CELF2: variants seen among roughly 807,000 people sequenced by gnomAD.
CELF2 encodes CUG triplet repeat RNA-binding protein 2.
Under a neutral mutation model 62.6 loss-of-function variants are expected in CELF2, and 8 were observed. The ratio of observed to expected loss-of-function variants is 0.13; its 90% CI spans 0.07 to 0.23. CELF2 has a LOEUF of 0.23. Among genes scored for constraint, CELF2 ranks in the 10% least tolerant of loss-of-function variants. CELF2 has a pLI of 1.00. For synonymous variants in CELF2, 258 were observed against 250.0 expected, an observed-to-expected ratio of 1.03 and a Z score of -0.30; for missense variants, 333 against 671.0, an observed-to-expected ratio of 0.50 and a Z score of 5.56.
chr10:10,811,369 A>G (rs988615688), intron 1 of CELF2, among the ~76,000 whole-genome samples: 3 of 152,150 alleles, frequency 2.0e-5, no homozygotes, highest in Non-Finnish European at 2.9e-5. Flanking sequence ...AGAAAGCAGG[A>G]GTGCCATAGA....
rs980899888 is a variant in CELF2, at chr10:10,997,718, G to A, written c.89+77719G>A. 5.9e-5 allele frequency among the ~76,000 whole-genome samples: 9 copies of A among 152,324 alleles called. No homozygotes were observed. In the South Asian group the frequency reaches 1.9e-3, roughly 32 times the overall value. On this transcript the variant is annotated intron_variant, in intron 2 of 13. Coordinates refer to the CELF2 transcript ENST00000636488. This position sits in a 1 kb window ranked among gnomAD's most constrained non-coding sequence, Gnocchi z 5.3. The stretch of plus-strand genomic sequence containing the variant: ...TAAATATTACATGCATCTTGCACAA[G>A]CTGGACAAGTAGGCAGTGGTTGACA...
intron 2 of CELF2, among the ~76,000 whole-genome samples, chr10:10,992,885 T>C (rs1246089277): frequency 2.6e-5 from 4 of 152,150 alleles, no homozygotes; most frequent in Non-Finnish European, 5.9e-5. Context: ...GTAGACCAAA[T>C]AGTTAACAAG....
intron 2 of CELF2, among the ~76,000 whole-genome samples, chr10:11,195,313 A>C (rs1006813987): frequency 2.6e-5 from 4 of 152,226 alleles, no homozygotes; most frequent in African/African-American, 9.6e-5. Context: ...AGCAGGCACC[A>C]AGAGGAGGTT....
intron 10 of CELF2, chr10:11,320,938 C>T (rs1384896260): frequency 1.9e-6 from 3 of 1,545,938 alleles, no homozygotes; most frequent in Non-Finnish European, 1.7e-6. Flanking sequence ...TGAGCTGTCT[C>T]GTCTAACTCG....
intron 1 of CELF2, among the ~76,000 whole-genome samples, chr10:11,109,371 A>G (rs1281443608): frequency 1.3e-5 from 2 of 152,190 alleles, no homozygotes; most frequent in Non-Finnish European, 2.9e-5. Flanking sequence ...CATCATGGGT[A>G]AAGGCCTCCA....
chr10:10,710,536 A>C, the CELF2 span, among the ~76,000 whole-genome samples: 2 of 152,236 alleles, frequency 1.3e-5, no homozygotes, highest in Non-Finnish European at 2.9e-5. Context: ...GTAGGTTTTG[A>C]TCTGGTAATA....
intron 1 of CELF2, among the ~76,000 whole-genome samples, chr10:11,151,367 G>A (rs1596234286): frequency 6.6e-6 from 1 of 152,292 alleles, no homozygotes; most frequent in South Asian, 2.1e-4. Flanking sequence ...GGGATAACTG[G>A]GAAAGAGACG....
In CELF2 at chr10:10,921,818, G is replaced by A. The variant is rs74935174; in HGVS notation, c.89+1819G>A. ...GGAGTCTTAGACATTCTACCTAAGC[G>A]TGGATGGGATTACAGGCGTGAGCCC... On this transcript the variant is annotated intron_variant, in intron 2 of 13. Coordinates refer to the CELF2 transcript ENST00000636488. 3.6e-3 allele frequency among the ~76,000 whole-genome samples: 547 copies of A among 152,178 alleles called. 4 individuals carry two copies. Among genetic ancestry groups the A allele is most frequent in the East Asian group, 0.032 (165 of 5,154 alleles).
the CELF2 span, among the ~76,000 whole-genome samples, chr10:10,653,370 A>G: frequency 3.4e-5 from 5 of 148,686 alleles, no homozygotes; most frequent in Admixed American, 6.7e-5. Context: ...AGTGGACCTA[A>G]TAGACATTTA....
the CELF2 span, among the ~76,000 whole-genome samples, chr10:10,638,817 G>C: frequency 6.6e-6 from 1 of 152,196 alleles, no homozygotes; most frequent in Non-Finnish European, 1.5e-5. Flanking sequence ...TCTAGACCAT[G>C]AAGAGTGGAT....
intron 2 of CELF2, among the ~76,000 whole-genome samples, chr10:10,985,273 A>G (rs1049999288): frequency 7.2e-5 from 11 of 152,046 alleles, no homozygotes; most frequent in Admixed American, 6.6e-4. Flanking sequence ...ACACCCCCAC[A>G]TTACATTTTA....
chr10:10,903,477 A>G (rs2063096629), intron 1 of CELF2, among the ~76,000 whole-genome samples: 1 of 152,250 alleles, frequency 6.6e-6, no homozygotes, highest in African/African-American at 2.4e-5. Context: ...AATGTATGAA[A>G]CAGATAAAGA....
intron 3 of CELF2, among the ~76,000 whole-genome samples, chr10:11,229,972 C>T (rs2068038343): frequency 6.6e-6 from 1 of 152,090 alleles, no homozygotes; most frequent in Non-Finnish European, 1.5e-5. Context: ...CAATGTTGAC[C>T]CCAAGGGCTA....
At chr10:11,073,278 C>T (rs1255202043) in intron 1 of CELF2, among the ~76,000 whole-genome samples, 1 of 152,146 alleles carries the variant, frequency 6.6e-6, no homozygotes, top group African/African-American at 2.4e-5. Context: ...GCATTTTTCT[C>T]TAGGAAGGCT....
intron 1 of CELF2, among the ~76,000 whole-genome samples, chr10:10,919,704 G>A (rs1315353669): frequency 2.0e-5 from 3 of 152,066 alleles, no homozygotes; most frequent in Admixed American, 2.0e-4. Context: ...TTAATGTTTT[G>A]AACTTCATTG....
At chr10:10,711,292 C>CA in the CELF2 span, among the ~76,000 whole-genome samples, 2 of 152,120 alleles carry the variant, frequency 1.3e-5, no homozygotes, top group Admixed American at 1.3e-4. Context: ...TCAGTTACAC[C>CA]AAAAAATCAC....
chr10:10,745,022 G>A, the CELF2 span, among the ~76,000 whole-genome samples: 6 of 151,526 alleles, frequency 4.0e-5, no homozygotes, highest in Non-Finnish European at 7.4e-5. Flanking sequence ...ACTCGAAGGC[G>A]TGAATATGAG....
chr10:11,183,243 C>T (rs943497897), intron 2 of CELF2, among the ~76,000 whole-genome samples: 1 of 152,214 alleles, frequency 6.6e-6, no homozygotes, highest in Non-Finnish European at 1.5e-5. Context: ...TTGGATCTGG[C>T]TTCCTTTGCT....
chr10:11,154,529 C>A (rs915748599), intron 1 of CELF2, among the ~76,000 whole-genome samples: 4 of 152,194 alleles, frequency 2.6e-5, no homozygotes, highest in African/African-American at 9.7e-5. Flanking sequence ...AGTCCTCTTG[C>A]AAATTGTTTT....
Sources: allele counts gnomAD v4.1 joint callset (sites outside exome capture counted in the v4.1 genomes callset), GRCh38; gene constraint gnomAD v4.1.1; non-coding constraint Gnocchi (gnomAD v3.1); transcripts MANE v1.5; gene names NCBI Gene and HGNC (gene_info 2026-07-23, HGNC 2026-07-21).